The following WDPCP variants were observed in gnomAD, a reference collection of about 807,000 sequenced individuals.
WDPCP encodes the protein WD repeat-containing and planar cell polarity effector protein fritz homolog.
Under a neutral mutation model 93.1 loss-of-function variants are expected in WDPCP, and 71 were observed. The ratio of observed to expected loss-of-function variants is 0.76; its 90% CI spans 0.63 to 0.93. WDPCP has a LOEUF of 0.93. WDPCP is among the 40% of genes least tolerant of loss of function. WDPCP has a pLI of 0.00. For missense variants in WDPCP, 844 were observed against 887.4 expected (o/e 0.95, Z 0.62); for synonymous variants, 315 against 315.0 (o/e 1.00, Z 0.00).
chr2:63,635,026 A>G (rs1709906649), intron 3 of WDPCP, among the ~76,000 whole-genome samples: 1 of 152,128 alleles, frequency 6.6e-6, no homozygotes, highest in South Asian at 2.1e-4. Flanking sequence ...AATAAAGAAA[A>G]TCATAAACAG....
chr2:63,169,042 T>C (rs1296083296), intron 15 of WDPCP, among the ~76,000 whole-genome samples: 1 of 152,246 alleles, frequency 6.6e-6, no homozygotes, highest in Non-Finnish European at 1.5e-5. Flanking sequence ...GAGCTTATTC[T>C]ATCTTACTCT....
intron 1 of WDPCP, among the ~76,000 whole-genome samples, chr2:63,507,194 C>T (rs762430788): frequency 1.5e-4 from 23 of 151,552 alleles, no homozygotes; most frequent in Admixed American, 2.0e-4. Context: ...AATCCCTGTG[C>T]ATATTATTGT....
At chr2:63,778,259 G>A (rs992402531) in intron 2 of WDPCP, among the ~76,000 whole-genome samples, 2 of 151,884 alleles carry the variant, frequency 1.3e-5, no homozygotes, top group Admixed American at 1.3e-4. Context: ...CCAGGCTGGA[G>A]TGCAGTGGCG....
rs975599940 is a variant in WDPCP, at chr2:63,134,553, T to A, written c.2191-12497A>T. 3.3e-5 allele frequency among the ~76,000 whole-genome samples: 5 copies of A among 152,200 alleles called. No individual in the cohort carries two copies. In the East Asian group the frequency reaches 7.7e-4, roughly 23 times the overall value. ...TGTGTTTTCAAAGGTTTTAGATACT[T>A]GGCTTATACTATGAGCACTTTGAAC... On this transcript the variant is annotated intron_variant, in intron 17 of 17. Coordinates refer to ENST00000272321, the MANE Select transcript of WDPCP (RefSeq NM_015910.7).
chr2:63,403,587 T>C (rs1348407238), intron 10 of WDPCP: 3 of 154,750 alleles, frequency 1.9e-5, no homozygotes, highest in East Asian at 3.8e-4. Context: ...TAACTAAATA[T>C]CTGCTTTCTT....
chr2:63,179,346 G>T (rs1382452832), intron 14 of WDPCP, among the ~76,000 whole-genome samples: 2 of 151,920 alleles, frequency 1.3e-5, no homozygotes, highest in East Asian at 3.9e-4. Flanking sequence ...TTTCCTCATG[G>T]AGGAAGGTGA....
intron 14 of WDPCP, among the ~76,000 whole-genome samples, chr2:63,203,916 T>A (rs1286464202): frequency 6.6e-6 from 1 of 152,234 alleles, no homozygotes; most frequent in East Asian, 1.9e-4. Flanking sequence ...AGTATGCCAT[T>A]GTGCATATAT....
At chr2:63,519,360 G>A in intron 1 of WDPCP, 1 of 152,370 alleles carries the variant, frequency 6.6e-6, no homozygotes, top group Non-Finnish European at 1.5e-5. Context: ...TGTTGCAAAT[G>A]CCCACAGAGA....
At chr2:63,584,342 G>C (rs771432301) in intron 1 of WDPCP, among the ~76,000 whole-genome samples, 1 of 151,920 alleles carries the variant, frequency 6.6e-6, no homozygotes, top group African/African-American at 2.4e-5. Flanking sequence ...TTGAAATCGT[G>C]AACAACAGTA....
chr2:63,548,842 T>A (rs559895898), intron 1 of WDPCP, among the ~76,000 whole-genome samples: 82 of 152,158 alleles, frequency 5.4e-4, no homozygotes, highest in African/African-American at 1.9e-3. Context: ...AAAAAATAAT[T>A]AAAATAAATG....
At chr2:63,150,221 A>G (rs1671795087) in intron 17 of WDPCP, among the ~76,000 whole-genome samples, 1 of 152,114 alleles carries the variant, frequency 6.6e-6, no homozygotes, top group African/African-American at 2.4e-5. Context: ...CTGGCTTTCC[A>G]TATTTTTGTA....
At chr2:63,490,627 G>A (rs975183334) in intron 2 of WDPCP, among the ~76,000 whole-genome samples, 1 of 152,176 alleles carries the variant, frequency 6.6e-6, no homozygotes, top group African/African-American at 2.4e-5. Context: ...CAAAAATGCA[G>A]TTGGGGTTGA....
intron 2 of WDPCP, among the ~76,000 whole-genome samples, chr2:63,654,093 G>C (rs1710139029): frequency 6.6e-6 from 1 of 151,872 alleles, no homozygotes; most frequent in South Asian, 2.1e-4. Context: ...GAATATATGA[G>C]CACAATAAAG....
upstream of WDPCP, chr2:63,589,310 G>C: frequency 6.4e-7 from 1 of 1,550,728 alleles, no homozygotes; most frequent in South Asian, 1.2e-5. Context: ...TAATCCTGCT[G>C]CATGACGGGA....
chr2:63,372,849 C>A (rs1310565565), intron 12 of WDPCP, among the ~76,000 whole-genome samples: 3 of 152,208 alleles, frequency 2.0e-5, no homozygotes, highest in South Asian at 4.2e-4. Context: ...ATAGGCTGGG[C>A]ACGGTAGCTC....
At chr2:63,695,479 C>G (rs1286592968) in intron 2 of WDPCP, among the ~76,000 whole-genome samples, 1 of 152,048 alleles carries the variant, frequency 6.6e-6, no homozygotes, top group East Asian at 1.9e-4. Context: ...GCATGGGACA[C>G]AGTTAAACTA....
intron 14 of WDPCP, among the ~76,000 whole-genome samples, chr2:63,211,424 A>G (rs1676790456): frequency 6.6e-6 from 1 of 152,170 alleles, no homozygotes; most frequent in Non-Finnish European, 1.5e-5. Context: ...GAAAACTAAC[A>G]AACAGAAAGG....
At chr2:63,418,249 A>G (rs1483993944) in intron 9 of WDPCP, among the ~76,000 whole-genome samples, 1 of 152,200 alleles carries the variant, frequency 6.6e-6, no homozygotes, top group African/African-American at 2.4e-5. Flanking sequence ...TCCCAAAATC[A>G]GCTTAGGTTG....
intron 12 of WDPCP, among the ~76,000 whole-genome samples, chr2:63,354,406 A>T (rs754875428): frequency 2.2e-4 from 33 of 152,180 alleles, no homozygotes; most frequent in Non-Finnish European, 3.1e-4. Context: ...TCCAGAGCTT[A>T]AGTAGGCACC....
Sources: gnomAD v4.1 joint callset for allele counts (sites outside exome capture counted in the v4.1 genomes callset) on GRCh38, gnomAD v4.1.1 for gene constraint, MANE v1.5 for transcripts, NCBI Gene and HGNC (gene_info 2026-07-23, HGNC 2026-07-21) for gene names.